Variants in FER1L6 observed in about 807,000 individuals in gnomAD.
The protein encoded by FER1L6 is fer-1 like family member 6, also known as fer-1-like protein 6.
In FER1L6, 177 loss-of-function variants were observed where a neutral mutation model predicts 219.2. The ratio of observed to expected loss-of-function variants is 0.81; its 90% CI spans 0.71 to 0.91. The LOEUF (loss-of-function observed/expected upper bound fraction) is 0.91, where lower values mean the gene tolerates loss of function less well. Among genes scored for constraint, FER1L6 ranks in the 40% least tolerant of loss-of-function variants. The pLI is 0.00. For missense variants in FER1L6, 2,153 were observed against 2,259.9 expected (o/e 0.95, Z 0.96); for synonymous variants, 768 against 824.3 (o/e 0.93, Z 1.17).
chr8:124,071,506 G>A lies in FER1L6; in HGVS notation c.3967G>A (p.Gly1323Ser), dbSNP rs767605997. 2 of 1,613,850 alleles carry A rather than the reference G, an allele frequency of 1.2e-6. No homozygotes were observed. Among genetic ancestry groups the A allele is most frequent in the Admixed American group, 1.7e-5 (1 of 59,980 alleles). The change falls in exon 31 of 41, where the codon GGC becomes AGC. Residue 1323 changes from glycine (G) to serine (S), a missense_variant and splice_region_variant. Coordinates refer to ENST00000522917, the MANE Select transcript of FER1L6 (RefSeq NM_001039112.2). Reference protein sequence around the residue: ...DGDRVIGKFKGSFCIYKSPQD... With the variant: ...DGDRVIGKFKSSFCIYKSPQD... ...AATGGGTTGCGTTTTGTGGTTCCAG[G>A]GCTCCTTCTGCATCTACAAAAGCCC...
chr8:123,882,835 A>G (rs1817133913), intron 1 of FER1L6, among the ~76,000 whole-genome samples: 1 of 152,230 alleles, frequency 6.6e-6, no homozygotes, highest in Non-Finnish European at 1.5e-5. Flanking sequence ...CCATACCCAT[A>G]GAATGTACAA....
At chr8:123,858,114 G>A (rs542892897) in intron 1 of FER1L6, among the ~76,000 whole-genome samples, 5 of 152,028 alleles carry the variant, frequency 3.3e-5, no homozygotes, top group Admixed American at 6.5e-5. Context: ...CTTCTCTGGC[G>A]ACTCCCTCCT....
Position 124,082,354 on chromosome 8 carries a change from C to A in FER1L6, c.4287C>A (p.Asp1429Glu). 1 of 1,613,940 alleles carries A rather than the reference C, an allele frequency of 6.2e-7. No homozygotes were observed. The highest frequency in any genetic ancestry group is 8.5e-7 in the Non-Finnish European group (1 of 1,179,852). ...TCTCCATCCTGATCTATGACCATGA[C>A]ATGATTGGCACAGATGACCTTATTG... The part of the protein sequence containing the change: ...SLLSILIYDH[D>E]MIGTDDLIGE... The change falls in exon 33 of 41, where the codon GAC (aspartate) becomes GAA (glutamate). Residue 1429 changes from aspartate to glutamate, a missense_variant. By Grantham distance (45) the Asp-to-Glu change is conservative. Transcript: ENST00000522917.
chr8:124,038,331 C>G (rs542877549), intron 19 of FER1L6, among the ~76,000 whole-genome samples: 1 of 152,214 alleles, frequency 6.6e-6, no homozygotes, highest in Non-Finnish European at 1.5e-5. Context: ...GATTGCTTTG[C>G]GTGCACATAT....
rs148997951 is a variant in FER1L6, at chr8:123,898,870, T to C, written c.-8+46685T>C. Among the ~76,000 whole-genome samples, 1,344 of 144,786 alleles carry C rather than the reference T, an allele frequency of 9.3e-3. 9 individuals carry two copies. The highest frequency in any genetic ancestry group is 0.012 in the Non-Finnish European group (805 of 66,696). 95.0% of individuals were successfully genotyped at this position (144,786 alleles called of 152,430 possible). ...ATATACACACACACACACACACACA[T>C]ATATATATATATCAGTTTTTTATCC... On this transcript the variant is annotated intron_variant, in intron 1 of 40. Transcript: ENST00000522917.
rs1818460815 is a variant in FER1L6 at position 124,021,732 on chromosome 8, T to G, written c.2133+63T>G. 4 of 1,593,348 alleles carry G rather than the reference T, an allele frequency of 2.5e-6. No homozygotes were observed. The East Asian group carries it at 9.0e-5, about 36-fold the overall frequency. On this transcript the variant is annotated intron_variant, in intron 17 of 40. Transcript: ENST00000522917. ...AGATGGAATGTCTTCCAGGGAGGTT[T>G]GAATGGTTGGTACGGGTGAAATATG...
intron 1 of FER1L6, among the ~76,000 whole-genome samples, chr8:123,856,024 C>T (rs1454035397): frequency 1.4e-5 from 2 of 138,698 alleles, no homozygotes; most frequent in Admixed American, 7.6e-5. Context: ...TATGTATATA[C>T]ATATGTATAT....
Position 123,920,218 on chromosome 8 carries a change from G to A in FER1L6, c.-7-35774G>A, listed in dbSNP as rs558305506. On this transcript the variant is annotated intron_variant, in intron 1 of 40. Coordinates refer to ENST00000522917, the MANE Select transcript of FER1L6 (RefSeq NM_001039112.2). ...CACCCTAACTCCACTGGAGCAAGTG[G>A]ACTTGGTCATCAGGACCACGAAGAG... is the stretch of plus-strand genomic sequence containing the variant. Among the ~76,000 whole-genome samples, 6 of 152,274 alleles carry A rather than the reference G, an allele frequency of 3.9e-5. No individual in the cohort carries two copies. In the East Asian group the frequency reaches 1.2e-3, roughly 29 times the overall value.
intron 8 of FER1L6, 77 bp from the exon 9 acceptor site, chr8:123,975,821 C>T: frequency 8.4e-7 from 1 of 1,192,036 alleles, no homozygotes; most frequent in East Asian, 2.4e-5. Context: ...TTCTTTCTGC[C>T]TCCAAATTGC....
intron 20 of FER1L6, among the ~76,000 whole-genome samples, chr8:124,043,866 CT>C (rs1249931135): frequency 6.6e-6 from 1 of 152,168 alleles, no homozygotes; most frequent in Non-Finnish European, 1.5e-5. Flanking sequence ...TCATGCAGTC[CT>C]TTTACTCATG....
At chr8:124,013,313 C>T in intron 14 of FER1L6, 118 bp from the exon 15 acceptor site, 1 of 547,320 alleles carries the variant, frequency 1.8e-6, no homozygotes, top group East Asian at 3.2e-5. Context: ...GATAAATCCT[C>T]CTTCATTGCC....
chr8:123,901,697 G>T (rs1006912646), intron 1 of FER1L6, among the ~76,000 whole-genome samples: 1 of 151,750 alleles, frequency 6.6e-6, no homozygotes, highest in African/African-American at 2.4e-5. Flanking sequence ...TTGGTAGGTT[G>T]TGTTGTTGTC....
In FER1L6 at chr8:123,956,065, G is replaced by T. The variant is rs745693200; in HGVS notation, c.67G>T (p.Ala23Ser). Residue 23 changes from alanine (A) to serine (S), a missense_variant, in exon 2 of 41, where the codon GCT becomes TCT. By Grantham distance (99) the Ala-to-Ser change is moderately conservative (BLOSUM62 1). Transcript: ENST00000522917. Reference protein sequence around the residue: ...AEKGLILANKAAKDSQGDTEA... With the variant: ...AEKGLILANKSAKDSQGDTEA... ...GAAGGGGTTAATCCTAGCCAACAAG[G>T]CTGCGAAAGGTGAGGCTGGGGGTGG... 3 of 1,610,730 alleles carry T rather than the reference G, an allele frequency of 1.9e-6. No homozygotes were observed. The highest frequency in any genetic ancestry group is 2.7e-5 in the African/African-American group (2 of 75,002).
chr8:123,982,110 A>G (rs34690659), intron 11 of FER1L6, among the ~76,000 whole-genome samples: 22,182 of 152,026 alleles, frequency 0.15, 2,077 homozygotes, highest in African/African-American at 0.26. Context: ...AGAACTTATT[A>G]TCTATATGGG....
chr8:124,011,881 T>G (rs557568340), intron 14 of FER1L6, among the ~76,000 whole-genome samples: 1 of 152,342 alleles, frequency 6.6e-6, no homozygotes, highest in East Asian at 1.9e-4. Flanking sequence ...TTCTATAGCA[T>G]TTAGCATAAT....
chr8:123,923,941 GAAAAAAAA>G (rs60137127), intron 1 of FER1L6, among the ~76,000 whole-genome samples: 178 of 94,780 alleles, frequency 1.9e-3, no homozygotes, highest in African/African-American at 6.0e-3. Flanking sequence ...CTCCAACTAA[GAAAAAAAA>G]AAAAAAAAAA....
rs1480440268 is a variant in FER1L6 at position 124,054,574 on chromosome 8, T to A, written c.2874+4818T>A. On this transcript the variant is annotated intron_variant, in intron 22 of 40. Transcript: ENST00000522917. ...CATTTCTGTAGCCTGGCTATTAAGC[T>A]GTCCTGAAATTTGTCCTCAGACTAC... is the stretch of plus-strand genomic sequence containing the variant. 3.3e-5 allele frequency among the ~76,000 whole-genome samples: 5 copies of A among 152,372 alleles called. No homozygotes were observed. In the East Asian group the frequency reaches 9.6e-4, roughly 29 times the overall value.
At chr8:124,009,825 T>A (rs929332551) in intron 13 of FER1L6, among the ~76,000 whole-genome samples, 8 of 151,560 alleles carry the variant, frequency 5.3e-5, no homozygotes, top group Non-Finnish European at 5.9e-5. Flanking sequence ...GAGGTCTTGT[T>A]CTAGTTTGAG....
chr8:124,004,446 G>A (rs1040702676), intron 13 of FER1L6, among the ~76,000 whole-genome samples: 4 of 152,074 alleles, frequency 2.6e-5, no homozygotes, highest in Non-Finnish European at 5.9e-5. Context: ...ACATCTCTAC[G>A]CTCCTCAGTC....
Sources: allele counts gnomAD v4.1 joint callset (sites outside exome capture counted in the v4.1 genomes callset), GRCh38; gene constraint gnomAD v4.1.1; transcripts MANE v1.5; gene names NCBI Gene and HGNC (gene_info 2026-07-23, HGNC 2026-07-21).